The following JAM3 variants were observed in gnomAD, a reference collection of about 807,000 sequenced individuals.
The protein encoded by JAM3 is junctional adhesion molecule C.
Under a neutral mutation model 39.4 loss-of-function variants are expected in JAM3, and 31 were observed. The ratio of observed to expected loss-of-function variants is 0.79; its 90% CI spans 0.59 to 1.06. The LOEUF (loss-of-function observed/expected upper bound fraction) is 1.06. Among genes scored for constraint, JAM3 ranks in the 50% least tolerant of loss-of-function variants. JAM3 has a pLI of 0.00. For missense variants in JAM3, 455 were observed against 391.4 expected (o/e 1.16, Z -1.37); for synonymous variants, 182 against 148.7 (o/e 1.22, Z -1.63).
chr11:134,069,976 A>AC (rs1941462387), intron 1 of JAM3, among the ~76,000 whole-genome samples: 1 of 152,084 alleles, frequency 6.6e-6, no homozygotes, highest in Non-Finnish European at 1.5e-5. Context: ...ACACTAATAA[A>AC]CTTGATAGTT....
intron 1 of JAM3, among the ~76,000 whole-genome samples, chr11:134,121,373 A>G (rs894522437): frequency 6.6e-6 from 1 of 152,190 alleles, no homozygotes; most frequent in African/African-American, 2.4e-5. Flanking sequence ...CCAGAGAAGA[A>G]TCTGAGGAGC....
chr11:134,137,689 T>C (rs1246984652), intron 1 of JAM3, among the ~76,000 whole-genome samples: 2 of 150,680 alleles, frequency 1.3e-5, no homozygotes, highest in Non-Finnish European at 3.0e-5. Context: ...GTGCTCATAC[T>C]GAGAGAAATG....
intron 1 of JAM3, among the ~76,000 whole-genome samples, chr11:134,090,453 C>T (rs531879285): frequency 2.6e-5 from 4 of 152,042 alleles, no homozygotes; most frequent in South Asian, 4.2e-4. Context: ...ATTCACATTT[C>T]GCTTGGGAAC....
chr11:134,102,453 G>A (rs189584549), intron 1 of JAM3, among the ~76,000 whole-genome samples: 3 of 152,290 alleles, frequency 2.0e-5, no homozygotes, highest in African/African-American at 7.2e-5. Flanking sequence ...AAAAATCAGA[G>A]CGCTTCTCCC....
rs186125175 is a variant in JAM3, at chr11:134,109,814, A to G, written c.77-30037A>G. On this transcript the variant is annotated intron_variant, in intron 1 of 8. Transcript: ENST00000299106. ...TGCCCAGTAAATAAATACTTTACAT[A>G]AGATAAGGTGAACATGGAGTAGCTA... 6.7e-4 allele frequency among the ~76,000 whole-genome samples: 102 copies of G among 152,366 alleles called. 1 individual carries two copies. The highest frequency in any genetic ancestry group is 4.3e-3 in the Admixed American group (66 of 15,300).
intron 1 of JAM3, among the ~76,000 whole-genome samples, chr11:134,082,695 C>T (rs1239843272): frequency 6.6e-6 from 1 of 152,124 alleles, no homozygotes. Flanking sequence ...ATTTCTTTTG[C>T]AAATTGCCCA....
intron 1 of JAM3, among the ~76,000 whole-genome samples, chr11:134,118,911 G>A (rs1396358474): frequency 1.3e-5 from 2 of 151,890 alleles, no homozygotes. Context: ...GTGGCTGCTA[G>A]GTGGAGTTTT....
At chr11:134,123,802 G>C in intron 1 of JAM3, 1 of 741,200 alleles carries the variant, frequency 1.3e-6, no homozygotes, top group South Asian at 1.4e-5. Context: ...ACAATCAAGT[G>C]AGCCTTCATT....
At chr11:134,148,930 C>T in intron 8 of JAM3, 112 bp downstream of exon 8, 1 of 1,082,362 alleles carries the variant, frequency 9.2e-7, no homozygotes, top group South Asian at 1.3e-5. Context: ...TGTGCAGCTC[C>T]TGAGCTCCTC....
intron 1 of JAM3, among the ~76,000 whole-genome samples, chr11:134,114,583 A>C (rs969786673): frequency 3.9e-5 from 6 of 152,110 alleles, no homozygotes; most frequent in Admixed American, 2.0e-4. Context: ...AACACTTTTT[A>C]ATTTCCCTTT....
intron 1 of JAM3, among the ~76,000 whole-genome samples, chr11:134,130,183 GGGAAAACATAA>G (rs1490940472): frequency 1.3e-5 from 2 of 152,078 alleles, no homozygotes; most frequent in Non-Finnish European, 2.9e-5. Flanking sequence ...ATTAAATCCT[GGGAAAACATAA>G]GCCCACAATG....
intron 3 of JAM3, among the ~76,000 whole-genome samples, chr11:134,142,829 C>T (rs889603218): frequency 6.6e-6 from 1 of 152,138 alleles, no homozygotes; most frequent in Non-Finnish European, 1.5e-5. Context: ...GTGGATTTGC[C>T]TGTTCTGGAC....
At chr11:134,110,890 T>C (rs1385385108) in intron 1 of JAM3, among the ~76,000 whole-genome samples, 2 of 152,020 alleles carry the variant, frequency 1.3e-5, no homozygotes, top group Non-Finnish European at 2.9e-5. Context: ...AACCAAAAAA[T>C]TGGGCTCTGA....
intron 1 of JAM3, among the ~76,000 whole-genome samples, chr11:134,075,348 G>A (rs1941549756): frequency 6.6e-6 from 1 of 152,114 alleles, no homozygotes; most frequent in Non-Finnish European, 1.5e-5. Flanking sequence ...GGTGTGGATG[G>A]GAAAGTGGAG....
chr11:134,115,306 T>C (rs947295392), intron 1 of JAM3, among the ~76,000 whole-genome samples: 5 of 152,214 alleles, frequency 3.3e-5, no homozygotes, highest in Non-Finnish European at 5.9e-5. Context: ...GGAGAAAATC[T>C]AATCTAACAA....
intron 1 of JAM3, among the ~76,000 whole-genome samples, chr11:134,107,535 T>C (rs1487665488): frequency 6.6e-6 from 1 of 151,974 alleles, no homozygotes; most frequent in Admixed American, 6.6e-5. Flanking sequence ...AAAATAAAAA[T>C]GTGACATCAG....
At chr11:134,114,963 G>A (rs1942394744) in intron 1 of JAM3, among the ~76,000 whole-genome samples, 1 of 152,092 alleles carries the variant, frequency 6.6e-6, no homozygotes, top group Non-Finnish European at 1.5e-5. Context: ...AGAATCCTAT[G>A]GATTTGTTTA....
chr11:134,142,755 G>A (rs568988558), intron 3 of JAM3, among the ~76,000 whole-genome samples: 29 of 151,944 alleles, frequency 1.9e-4, no homozygotes, highest in East Asian at 7.7e-4. Context: ...GAGAAAGCCC[G>A]TACCCAGCAG....
At chr11:134,093,195 TTCA>T (rs1164398837) in intron 1 of JAM3, among the ~76,000 whole-genome samples, 5 of 132,712 alleles carry the variant, frequency 3.8e-5, no homozygotes, top group African/African-American at 5.8e-5. Context: ...ACCCTCCTTA[TTCA>T]TCATGTTCCA....
Sources: allele counts gnomAD v4.1 joint callset (sites outside exome capture counted in the v4.1 genomes callset), GRCh38; gene constraint gnomAD v4.1.1; transcripts MANE v1.5; gene names NCBI Gene and HGNC (gene_info 2026-07-23, HGNC 2026-07-21).